The following CBLB variants were observed in gnomAD, a reference collection of about 807,000 sequenced individuals.
CBLB encodes the protein E3 ubiquitin-protein ligase CBL-B.
A neutral mutation model predicts 104.9 loss-of-function variants in CBLB; 31 were observed. The observed-to-expected ratio is 0.30, with a 90% confidence interval of 0.22 to 0.40. CBLB has a LOEUF of 0.40. Ranked by LOEUF, CBLB falls within the 10% of genes least tolerant of loss-of-function variation. CBLB has a pLI of 1.00. For missense variants in CBLB, 1,062 were observed against 1,214.6 expected (o/e 0.87, Z 1.87); for synonymous variants, 440 against 422.6 (o/e 1.04, Z -0.51).
At chr3:105,817,031 A>C (rs1375693086) in intron 3 of CBLB, among the ~76,000 whole-genome samples, 1 of 152,210 alleles carries the variant, frequency 6.6e-6, no homozygotes, top group Non-Finnish European at 1.5e-5. Flanking sequence ...GTAGGATTCC[A>C]GATGAGTGGG....
At chr3:105,834,825 C>T (rs1222554451) in intron 3 of CBLB, among the ~76,000 whole-genome samples, 1 of 151,824 alleles carries the variant, frequency 6.6e-6, no homozygotes, top group Non-Finnish European at 1.5e-5. Flanking sequence ...AAGATGTGCC[C>T]TGCTTTTACC....
chr3:105,699,753 T>G (rs766942917), intron 12 of CBLB, among the ~76,000 whole-genome samples: 15 of 152,218 alleles, frequency 9.9e-5, no homozygotes, highest in Non-Finnish European at 2.1e-4. Flanking sequence ...CATGGTCTGT[T>G]TTATAGTTTT....
At position 105,702,212 on chromosome 3, in the gene CBLB, G is replaced by A. The variant is rs200157652; in HGVS notation, c.1841C>T (p.Ser614Phe). ...ACTCGCTGTGATTCCAGGTTTTGGA[G>A]AGCCCTCCCCTAGGAGTCGACATCC... The part of the protein sequence containing the change: ...LVGCRLLGEG[S>F]PKPGITASSN... Residue 614 changes from serine to phenylalanine, a missense_variant, in exon 12 of 19, where the codon TCT (serine) becomes TTT (phenylalanine). Coordinates refer to ENST00000394030, the MANE Select transcript of CBLB (RefSeq NM_170662.5). 1.0e-4 allele frequency: 164 copies of A among 1,614,102 alleles called. No homozygotes were observed. The highest frequency in any genetic ancestry group is 9.9e-4 in the Middle Eastern group (6 of 6,062).
At chr3:105,764,854 T>C (rs758937568) in intron 4 of CBLB, among the ~76,000 whole-genome samples, 14 of 152,212 alleles carry the variant, frequency 9.2e-5, no homozygotes, top group African/African-American at 1.4e-4. Context: ...ACTGGTGATA[T>C]GGAGAAAGTT....
chr3:105,836,905 A>C (rs1314801410), intron 3 of CBLB, among the ~76,000 whole-genome samples: 1 of 152,004 alleles, frequency 6.6e-6, no homozygotes, highest in African/African-American at 2.4e-5. Flanking sequence ...CCCTGCCTAC[A>C]TATTCAAAAT....
At chr3:105,840,018 A>G (rs982493104) in intron 3 of CBLB, among the ~76,000 whole-genome samples, 3 of 152,212 alleles carry the variant, frequency 2.0e-5, no homozygotes, top group Non-Finnish European at 4.4e-5. Context: ...CTTTAGTTAA[A>G]TGAAAATTTT....
intron 8 of CBLB, among the ~76,000 whole-genome samples, chr3:105,734,481 CTT>C (rs1212938510): frequency 1.3e-5 from 2 of 151,970 alleles, no homozygotes; most frequent in African/African-American, 2.4e-5. Context: ...TATAAAATGA[CTT>C]TATCTTTTTT....
At chr3:105,774,639 T>C (rs569387301) in intron 4 of CBLB, among the ~76,000 whole-genome samples, 72 of 152,288 alleles carry the variant, frequency 4.7e-4, no homozygotes, top group African/African-American at 1.6e-3. Flanking sequence ...CATGTAGCAG[T>C]TGAACAGAAA....
At chr3:105,673,013 A>G (rs1040724528) in intron 17 of CBLB, 2 of 151,974 alleles carry the variant, frequency 1.3e-5, no homozygotes, top group African/African-American at 4.8e-5. Context: ...TAAACAAAAA[A>G]ACAACAAAAA....
In CBLB at chr3:105,868,987, C is replaced by G. The variant is rs1706683703; in HGVS notation, c.-266G>C. Reference sequence around the variant, plus strand: ...CCGCGGGACGCCGCAGCAGCACTAGCAGGAGGAGGAGACCGCTCGCTGGAC... The same window carrying G: ...CCGCGGGACGCCGCAGCAGCACTAGGAGGAGGAGGAGACCGCTCGCTGGAC... On this transcript the variant is annotated 5_prime_UTR_variant, in exon 1 of 19. Transcript: ENST00000394030. The G allele has an allele frequency of 2.9e-6, 3 of 1,048,950 alleles. No homozygotes were observed. The highest frequency in any genetic ancestry group is 3.4e-6 in the Non-Finnish European group (3 of 870,084). The allele number at this position is 1,048,950 out of a possible 1,614,324, so 65.0% of individuals were successfully genotyped here.
chr3:105,819,112 T>G (rs576766560), intron 3 of CBLB, among the ~76,000 whole-genome samples: 1 of 152,344 alleles, frequency 6.6e-6, no homozygotes, highest in South Asian at 2.1e-4. Flanking sequence ...CAGTTAAATA[T>G]AGTCAACAAT....
chr3:105,861,077 T>G (rs1177278715), intron 2 of CBLB, among the ~76,000 whole-genome samples: 1 of 152,154 alleles, frequency 6.6e-6, no homozygotes, highest in Non-Finnish European at 1.5e-5. Flanking sequence ...GTGTTGGATA[T>G]TTTCAAAATG....
At chr3:105,722,941 T>C (rs1361641587) in intron 9 of CBLB, among the ~76,000 whole-genome samples, 5 of 152,202 alleles carry the variant, frequency 3.3e-5, no homozygotes, top group Non-Finnish European at 7.4e-5. Flanking sequence ...TAAGAGTAGA[T>C]ATCACAAAAT....
intron 3 of CBLB, among the ~76,000 whole-genome samples, chr3:105,780,653 G>GTTTTTTTTTTT (rs1245925965): frequency 2.1e-4 from 18 of 84,678 alleles, no homozygotes; most frequent in Non-Finnish European, 2.6e-4. Flanking sequence ...TAAAAGTTTT[G>GTTTTTTTTTTT]TTTTTTGTTT....
intron 3 of CBLB, among the ~76,000 whole-genome samples, chr3:105,836,185 G>A (rs1361574043): frequency 6.6e-6 from 1 of 152,116 alleles, no homozygotes; most frequent in African/African-American, 2.4e-5. Flanking sequence ...TAGTAAAAAG[G>A]TTATGACAGC....
chr3:105,842,416 CT>C (rs1340470970), intron 3 of CBLB, among the ~76,000 whole-genome samples: 1 of 152,184 alleles, frequency 6.6e-6, no homozygotes, highest in African/African-American at 2.4e-5. Flanking sequence ...TGAAGAGTGT[CT>C]GTTTATCTCT....
chr3:105,692,323 T>C (rs2067813707), intron 13 of CBLB, among the ~76,000 whole-genome samples: 1 of 152,208 alleles, frequency 6.6e-6, no homozygotes, highest in African/African-American at 2.4e-5. Context: ...CAAAGTCTTG[T>C]AATCTTTTCA....
chr3:105,841,154 T>C (rs141715553), intron 3 of CBLB, among the ~76,000 whole-genome samples: 3 of 151,896 alleles, frequency 2.0e-5, no homozygotes, highest in Non-Finnish European at 4.4e-5. Flanking sequence ...CAATTAGCTC[T>C]GCATGGTGAC....
intron 2 of CBLB, among the ~76,000 whole-genome samples, chr3:105,864,878 G>A (rs1314957605): frequency 6.6e-6 from 1 of 151,976 alleles, no homozygotes; most frequent in East Asian, 1.9e-4. Flanking sequence ...TACTTTATTG[G>A]TAGCTGAAAC....
Sources: gnomAD v4.1 joint callset for allele counts (sites outside exome capture counted in the v4.1 genomes callset) on GRCh38, gnomAD v4.1.1 for gene constraint, MANE v1.5 for transcripts, NCBI Gene and HGNC (gene_info 2026-07-23, HGNC 2026-07-21) for gene names.